The following BUB1B variants were observed in gnomAD, a reference collection of about 807,000 sequenced individuals.
The protein encoded by BUB1B is BUB1 mitotic checkpoint serine/threonine kinase B, also known as mitotic checkpoint serine/threonine-protein kinase BUB1 beta.
Under a neutral mutation model 137.7 loss-of-function variants are expected in BUB1B, and 86 were observed. That is an observed-to-expected ratio of 0.62 (90% CI 0.52 to 0.75). The LOEUF (loss-of-function observed/expected upper bound fraction) is 0.75. Among genes scored for constraint, BUB1B ranks in the 30% least tolerant of loss-of-function variants. The probability of loss-of-function intolerance (pLI) is 0.00; values close to 1 mark genes in which losing one functional copy is unlikely to be tolerated. For synonymous variants in BUB1B, 420 were observed against 417.9 expected (o/e 1.00, Z -0.06); for missense variants, 1,130 against 1,236.9 (o/e 0.91, Z 1.30).
chr15:40,183,338 G>A (rs1354135297), intron 5 of BUB1B, among the ~76,000 whole-genome samples: 1 of 152,136 alleles, frequency 6.6e-6, no homozygotes, highest in African/African-American at 2.4e-5. Flanking sequence ...AAATAGATGT[G>A]GCACAGTGTT....
intron 5 of BUB1B, among the ~76,000 whole-genome samples, chr15:40,177,489 C>G (rs2037236241): frequency 6.6e-6 from 1 of 152,062 alleles, no homozygotes; most frequent in African/African-American, 2.4e-5. Flanking sequence ...TAACCTTTCT[C>G]CATTGAATTG....
chr15:40,218,013 T>C (rs1018306479), intron 21 of BUB1B, among the ~76,000 whole-genome samples: 18 of 152,346 alleles, frequency 1.2e-4, no homozygotes, highest in Non-Finnish European at 1.6e-4. Flanking sequence ...GAGGAGTAAA[T>C]GAAGTAATGT....
At chr15:40,195,850 G>C (rs1487300724) in intron 8 of BUB1B, among the ~76,000 whole-genome samples, 7 of 152,020 alleles carry the variant, frequency 4.6e-5, no homozygotes, top group African/African-American at 1.7e-4. Context: ...TTGCTGATTT[G>C]TTTGAGTTCC....
intron 2 of BUB1B, among the ~76,000 whole-genome samples, chr15:40,168,124 T>A (rs1054443457): frequency 2.6e-5 from 4 of 151,314 alleles, no homozygotes; most frequent in African/African-American, 9.7e-5. Flanking sequence ...TCCCAGCACT[T>A]TAGGAGGCCG....
intron 8 of BUB1B, among the ~76,000 whole-genome samples, chr15:40,186,454 T>TTC (rs1393887609): frequency 6.9e-6 from 1 of 144,302 alleles, no homozygotes; most frequent in African/African-American, 2.6e-5. Flanking sequence ...TTTTTTTTTT[T>TTC]TGAGATGGAG....
intron 1 of BUB1B, among the ~76,000 whole-genome samples, chr15:40,162,925 A>G (rs1885775713): frequency 6.6e-6 from 1 of 152,192 alleles, no homozygotes; most frequent in Non-Finnish European, 1.5e-5. Context: ...TTCACACAAT[A>G]TAGAGCAGGT....
intron 15 of BUB1B, among the ~76,000 whole-genome samples, chr15:40,207,559 C>G (rs547316375): frequency 1.3e-5 from 2 of 151,964 alleles, no homozygotes; most frequent in African/African-American, 4.8e-5. Flanking sequence ...AAAAAAAAGT[C>G]CAGAGAAAGG....
chr15:40,220,855 T>C lies in BUB1B; in HGVS notation c.*96T>C. On this transcript the variant is annotated 3_prime_UTR_variant, in exon 23 of 23. Coordinates refer to ENST00000287598, the MANE Select transcript of BUB1B (RefSeq NM_001211.6). ...GTGCTGTAATTTAATTTAGGACACA[T>C]TTAGATGCACTACCATTGCTGTTCT... 1.5e-6 allele frequency: 2 copies of C among 1,294,710 alleles called. No homozygotes were observed. The highest frequency in any genetic ancestry group is 2.2e-6 in the Non-Finnish European group (2 of 895,950). 80.2% of individuals were successfully genotyped at this position (1,294,710 alleles called of 1,614,324 possible).
rs772218663 is a variant in BUB1B, at chr15:40,170,537, G to A, written c.240G>A (p.Arg80=). ...TTCTTATCTTTTTCCTCCCATTTAGGTATATCAGCTGGACAGAGCAGAACT... is the reference window on the plus strand; with the variant it reads ...TTCTTATCTTTTTCCTCCCATTTAGATATATCAGCTGGACAGAGCAGAACT... ...TGNDPLDVWD[R]YISWTEQNYP... is the part of the protein sequence containing the mutation. Residue 80 remains arginine, a splice_region_variant and synonymous_variant, in exon 4 of 23, where the codon AGG becomes AGA. Coordinates refer to ENST00000287598, the MANE Select transcript of BUB1B (RefSeq NM_001211.6). The A allele has an allele frequency of 2.5e-6, 4 of 1,613,406 alleles. 1 individual carries two copies. Among genetic ancestry groups the A allele is most frequent in the South Asian group, 1.1e-5 (1 of 91,074 alleles).
rs745600198 is a variant in BUB1B at position 40,200,386 on chromosome 15, A to G, written c.1517+27A>G. 1.2e-5 allele frequency: 19 copies of G among 1,571,352 alleles called. No homozygotes were observed. The East Asian group carries it at 2.7e-4, about 22-fold the overall frequency. The stretch of plus-strand genomic sequence containing the variant: ...TAAGACTACATAGGTGGAAGGGACA[A>G]TGCATATAGGAGGGCATTTAGAACC... On this transcript the variant is annotated intron_variant, in intron 11 of 22. Coordinates refer to ENST00000287598, the MANE Select transcript of BUB1B (RefSeq NM_001211.6).
intron 15 of BUB1B, among the ~76,000 whole-genome samples, chr15:40,206,677 C>CG (rs1189006923): frequency 6.6e-6 from 1 of 152,142 alleles, no homozygotes; most frequent in Non-Finnish European, 1.5e-5. Flanking sequence ...GGTAGAGAAA[C>CG]TAAGTGGTCC....
At chr15:40,167,300 A>G (rs1457318729) in intron 2 of BUB1B, among the ~76,000 whole-genome samples, 1 of 150,036 alleles carries the variant, frequency 6.7e-6, no homozygotes, top group Non-Finnish European at 1.5e-5. Context: ...CCAAAGTGAC[A>G]AAGTTACTCT....
At chr15:40,177,772 T>C (rs1034934388) in intron 5 of BUB1B, among the ~76,000 whole-genome samples, 2 of 151,850 alleles carry the variant, frequency 1.3e-5, no homozygotes, top group African/African-American at 4.8e-5. Flanking sequence ...GAATATGGTA[T>C]AATTCTCCAT....
chr15:40,217,382 G>C, intron 20 of BUB1B, 114 bp from the exon 21 acceptor site: 1 of 1,079,456 alleles, frequency 9.3e-7, no homozygotes, highest in South Asian at 1.3e-5. Flanking sequence ...CCACTGGAGG[G>C]AGTTGTTGGC....
At chr15:40,174,895 C>T (rs1461987845) in intron 4 of BUB1B, among the ~76,000 whole-genome samples, 1 of 152,000 alleles carries the variant, frequency 6.6e-6, no homozygotes, top group Non-Finnish European at 1.5e-5. Flanking sequence ...ACCTGGGAGG[C>T]GGAAGTTGCA....
chr15:40,185,108 G>A lies in BUB1B; in HGVS notation c.752-57G>A, dbSNP rs2037342871. On this transcript the variant is annotated intron_variant, in intron 6 of 22. Coordinates refer to ENST00000287598, the MANE Select transcript of BUB1B (RefSeq NM_001211.6). ...GAGGAAGAATAGGTATACTTTATCT[G>A]GCATCTAAGTTAATAATGAAACATT... 7.8e-6 allele frequency: 11 copies of A among 1,418,896 alleles called. 1 individual carries two copies. The South Asian group carries it at 1.0e-4, about 13-fold the overall frequency. The allele number at this position is 1,418,896 out of a possible 1,614,324, so 87.9% of individuals were successfully genotyped here. A position where few individuals can be genotyped will look rare whatever the true frequency, so the allele number is the denominator to read the frequency against.
chr15:40,178,671 G>A (rs531375112), intron 5 of BUB1B, among the ~76,000 whole-genome samples: 2 of 151,912 alleles, frequency 1.3e-5, no homozygotes, highest in African/African-American at 4.8e-5. Flanking sequence ...AAGCCTCTTT[G>A]TGATTTTGTC....
At chr15:40,165,333 T>G in intron 2 of BUB1B, 137 bp downstream of exon 2, 1 of 1,124,296 alleles carries the variant, frequency 8.9e-7, no homozygotes, top group Non-Finnish European at 1.3e-6. Flanking sequence ...CTCTACCTGC[T>G]TTCGTATCAC....
intron 22 of BUB1B, among the ~76,000 whole-genome samples, chr15:40,220,038 C>T (rs750473571): frequency 6.6e-6 from 1 of 152,054 alleles, no homozygotes; most frequent in Non-Finnish European, 1.5e-5. Context: ...CAAGTGGGGT[C>T]AGTTGGGGTT....
Sources: allele counts gnomAD v4.1 joint callset (sites outside exome capture counted in the v4.1 genomes callset), GRCh38; gene constraint gnomAD v4.1.1; transcripts MANE v1.5; gene names NCBI Gene and HGNC (gene_info 2026-07-23, HGNC 2026-07-21).